LRRC7: variants seen among roughly 807,000 people sequenced by gnomAD.
LRRC7 encodes leucine-rich repeat-containing protein 7.
LRRC7 carries 23 observed loss-of-function variants against 175.7 expected under a neutral mutation model. The ratio of observed to expected loss-of-function variants is 0.13; its 90% confidence interval spans 0.09 to 0.19. The LOEUF is 0.19. LRRC7 is among the 10% of genes least tolerant of loss of function. LRRC7 has a pLI of 1.00. For missense variants in LRRC7, 1,354 were observed against 1,904.7 expected (o/e 0.71, Z 5.38); for synonymous variants, 685 against 680.9 (o/e 1.01, Z -0.09).
At chr1:69,932,756 C>G (rs968980785) in intron 8 of LRRC7, among the ~76,000 whole-genome samples, 1 of 152,156 alleles carries the variant, frequency 6.6e-6, no homozygotes, top group Non-Finnish European at 1.5e-5. Flanking sequence ...GCTTTCCTCC[C>G]TAAGATGGAA....
Position 70,023,296 on chromosome 1 carries a change from C to A in LRRC7, c.1716C>A (p.Leu572=), listed in dbSNP as rs753578745. The change falls in exon 17 of 27, where the codon CTC becomes CTA. Residue 572 remains leucine (L), a synonymous_variant. Transcript: ENST00000651989. ...PQLAWGCISG[L]QQERSMCTPL... ...TGGCATGGGGTTGTATAAGTGGCCT[C>A]CAGCAGGAAAGGAGCATGTGTACTC... is the stretch of plus-strand genomic sequence containing the variant. 6.2e-7 allele frequency: 1 copy of A among 1,613,524 alleles called. No individual in the cohort carries two copies.
chr1:69,640,900 A>G (rs1282730342), intron 1 of LRRC7, among the ~76,000 whole-genome samples: 1 of 151,674 alleles, frequency 6.6e-6, no homozygotes, highest in African/African-American at 2.4e-5. Context: ...ATTATTGGCA[A>G]TATTTCATAA....
chr1:70,018,879 T>C, intron 15 of LRRC7, 61 bp downstream of exon 15: 1 of 1,284,300 alleles, frequency 7.8e-7, no homozygotes, highest in Non-Finnish European at 1.1e-6. Flanking sequence ...AATAACTAAT[T>C]TTATTCAGAT....
chr1:70,088,460 G>A (rs1663775014), intron 24 of LRRC7, among the ~76,000 whole-genome samples: 1 of 152,108 alleles, frequency 6.6e-6, no homozygotes, highest in Non-Finnish European at 1.5e-5. Flanking sequence ...CTTGTTGGGA[G>A]GCTGAGGCAG....
At chr1:69,793,488 ACT>A (rs893079232) in intron 4 of LRRC7, among the ~76,000 whole-genome samples, 2 of 151,800 alleles carry the variant, frequency 1.3e-5, no homozygotes, top group African/African-American at 4.8e-5. Flanking sequence ...TTTGACCAGA[ACT>A]CTCCTCCACA....
intron 2 of LRRC7, among the ~76,000 whole-genome samples, chr1:69,720,146 T>C (rs1490109743): frequency 1.3e-5 from 2 of 151,766 alleles, no homozygotes; most frequent in Admixed American, 1.3e-4. Context: ...ATCATGTTAC[T>C]ATTTATTTTC....
chr1:69,909,181 T>C (rs965819368), intron 7 of LRRC7, among the ~76,000 whole-genome samples: 12 of 152,144 alleles, frequency 7.9e-5, no homozygotes, highest in African/African-American at 2.7e-4. Flanking sequence ...GTGAGATGGG[T>C]TTCCTGAATA....
At chr1:69,950,746 G>A (rs575195259) in intron 8 of LRRC7, among the ~76,000 whole-genome samples, 1 of 151,796 alleles carries the variant, frequency 6.6e-6, no homozygotes, top group East Asian at 1.9e-4. Context: ...CCAGAACTAA[G>A]GTGGAAACAG....
intron 7 of LRRC7, among the ~76,000 whole-genome samples, chr1:69,865,819 C>T (rs1684893063): frequency 6.6e-6 from 1 of 152,062 alleles, no homozygotes; most frequent in Non-Finnish European, 1.5e-5. Context: ...ATAAACAGCG[C>T]TATTGAACAA....
At chr1:69,603,200 A>G (rs1647150847) in intron 1 of LRRC7, among the ~76,000 whole-genome samples, 1 of 152,144 alleles carries the variant, frequency 6.6e-6, no homozygotes, top group South Asian at 2.1e-4. Context: ...GCATGATCTC[A>G]TCCCAAGATT....
At chr1:70,079,608 A>G (rs1045329575) in intron 24 of LRRC7, among the ~76,000 whole-genome samples, 5 of 152,218 alleles carry the variant, frequency 3.3e-5, no homozygotes, top group African/African-American at 1.2e-4. Context: ...CATTCAGGAA[A>G]AGGAAATCTG....
intron 1 of LRRC7, among the ~76,000 whole-genome samples, chr1:69,579,291 C>T (rs957298583): frequency 1.1e-4 from 16 of 152,038 alleles, no homozygotes; most frequent in East Asian, 1.9e-4. Context: ...TAAAGATCAC[C>T]GTTAATTTGA....
chr1:70,026,808 A>G (rs1457773222), intron 17 of LRRC7, among the ~76,000 whole-genome samples: 1 of 152,180 alleles, frequency 6.6e-6, no homozygotes, highest in East Asian at 1.9e-4. Context: ...AAGGAATGTT[A>G]GAAGTCATCT....
chr1:70,023,452 G>T, intron 17 of LRRC7, 78 bp downstream of exon 17: 2 of 1,339,938 alleles, frequency 1.5e-6, no homozygotes, highest in African/African-American at 1.5e-5. Flanking sequence ...GGTATGTTCT[G>T]CATGATTTGG....
chr1:69,605,961 C>T (rs1438679202), intron 1 of LRRC7, among the ~76,000 whole-genome samples: 1 of 152,084 alleles, frequency 6.6e-6, no homozygotes, highest in Non-Finnish European at 1.5e-5. Flanking sequence ...GTAATATTAT[C>T]TAAAAAACTT....
At chr1:69,844,189 T>G (rs1682067321) in intron 7 of LRRC7, among the ~76,000 whole-genome samples, 1 of 152,176 alleles carries the variant, frequency 6.6e-6, no homozygotes, top group African/African-American at 2.4e-5. Flanking sequence ...TTTTTAATTT[T>G]TTTTATCGTG....
At chr1:69,743,717 A>G (rs1229628057) in intron 2 of LRRC7, among the ~76,000 whole-genome samples, 1 of 151,958 alleles carries the variant, frequency 6.6e-6, no homozygotes, top group Non-Finnish European at 1.5e-5. Context: ...ACTTAAGGTC[A>G]GTTTTGGGGA....
In LRRC7 at chr1:70,039,258, G is replaced by T; in HGVS notation, c.3434G>T (p.Gly1145Val). Residue 1145 changes from glycine to valine, a missense_variant, in exon 21 of 27, where the codon GGG (glycine) becomes GTG (valine). Coordinates refer to ENST00000651989, the MANE Select transcript of LRRC7 (RefSeq NM_001370785.2). ...AVVNAQFASQ[G>V]ARAGFLRRAD... The stretch of plus-strand genomic sequence containing the variant: ...GTGAATGCCCAGTTCGCAAGCCAAG[G>T]GGCCAGGGCGGGCTTCCTGAGAAGG... 1 of 1,614,062 alleles carries T rather than the reference G, an allele frequency of 6.2e-7. No individual in the cohort carries two copies. The highest frequency in any genetic ancestry group is 8.5e-7 in the Non-Finnish European group (1 of 1,180,006).
At chr1:69,724,587 T>C (rs567459701) in intron 2 of LRRC7, among the ~76,000 whole-genome samples, 1 of 152,314 alleles carries the variant, frequency 6.6e-6, no homozygotes, top group Admixed American at 6.5e-5. Context: ...TAAAATATGA[T>C]AAATTATACA....
Sources: allele counts gnomAD v4.1 joint callset (sites outside exome capture counted in the v4.1 genomes callset), GRCh38; gene constraint gnomAD v4.1.1; transcripts MANE v1.5; gene names NCBI Gene and HGNC (gene_info 2026-07-23, HGNC 2026-07-21).